Variants in LRRC70 observed in about 807,000 individuals in gnomAD.
The protein encoded by LRRC70 is leucine-rich repeat-containing protein 70.
Under a neutral mutation model 42.4 loss-of-function variants are expected in LRRC70, and 31 were observed. The observed-to-expected ratio is 0.73, with a 90% CI of 0.55 to 0.99. The LOEUF is 0.99. Among genes scored for constraint, LRRC70 ranks in the 50% least tolerant of loss-of-function variants. The pLI is 0.00. For synonymous variants in LRRC70, 270 were observed against 262.9 expected (o/e 1.03, Z -0.26); for missense variants, 643 against 707.5 (o/e 0.91, Z 1.03).
In LRRC70 at chr5:62,579,240, C is replaced by T. The variant is rs896987955; in HGVS notation, c.-38-161C>T. Among the ~76,000 whole-genome samples, 6 of 152,040 alleles carry T rather than the reference C, an allele frequency of 3.9e-5. No individual in the cohort carries two copies. In the South Asian group the frequency reaches 6.2e-4, roughly 16 times the overall value. ...CCTGATCATGTTAATAATTCTAGAA[C>T]GTATTCCATACTCATTATTTTTTGC... On this transcript the variant is annotated intron_variant, in intron 1 of 1. Transcript: ENST00000334994.
Position 62,579,856 on chromosome 5 carries a change from C to T in LRRC70, c.418C>T (p.Gln140Ter). The stretch of plus-strand genomic sequence containing the variant: ...TTTAAATCTTCGTAATTTATATTTA[C>T]AGTATAATCAGGTATCTTTTGTTCC... ...GLLNLRNLYL[Q>*]YNQVSFVPRG... Residue 140 changes from glutamine (Q) to a stop codon, truncating the protein, a stop_gained, in exon 2 of 2, where the codon CAG becomes TAG. Coordinates refer to ENST00000334994, the MANE Select transcript of LRRC70 (RefSeq NM_181506.5). LOFTEE classifies it high-confidence loss of function. The T allele has an allele frequency of 6.5e-7, 1 of 1,548,602 alleles. No homozygotes were observed. The highest frequency in any genetic ancestry group is 8.7e-7 in the Non-Finnish European group (1 of 1,144,608).
Position 62,581,372 on chromosome 5 carries a change from T to TA in LRRC70, c.*66dup. 1 of 1,123,370 alleles carries TA rather than the reference T, an allele frequency of 8.9e-7. No homozygotes were observed. Among genetic ancestry groups the TA allele is most frequent in the South Asian group, 1.8e-5 (1 of 55,448 alleles). 69.6% of individuals were successfully genotyped at this position (1,123,370 alleles called of 1,614,324 possible). ...GACATGATTTAAACTGAAACCTCCT[T>TA]ATATAATTATATACTTTAGTTGGAA... is the stretch of plus-strand genomic sequence containing the variant. On this transcript the variant is annotated 3_prime_UTR_variant, in exon 2 of 2. Coordinates refer to ENST00000334994, the MANE Select transcript of LRRC70 (RefSeq NM_181506.5).
Position 62,580,066 on chromosome 5 carries a change from T to C in LRRC70, c.628T>C (p.Tyr210His). 6.4e-7 allele frequency: 1 copy of C among 1,551,164 alleles called. No individual in the cohort carries two copies. Among genetic ancestry groups the C allele is most frequent in the Non-Finnish European group, 8.7e-7 (1 of 1,146,698 alleles). The change falls in exon 2 of 2, where the codon TAT becomes CAT. Residue 210 changes from tyrosine to histidine, a missense_variant. Physicochemically the swap from Tyr to His is moderately conservative, Grantham distance 83. Transcript: ENST00000334994. ...ACATCTTGAAAACCTTGCTTGTTTG[T>C]ATTTAGGAAGTAATAATTTAACAAA... ...FQHLENLACLYLGSNNLTKVP... is the reference protein window; with the variant it reads ...FQHLENLACLHLGSNNLTKVP...
In LRRC70 at chr5:62,580,199, T is replaced by C; in HGVS notation, c.761T>C (p.Leu254Pro). 6.4e-7 allele frequency: 1 copy of C among 1,551,188 alleles called. No homozygotes were observed. The highest frequency in any genetic ancestry group is 8.7e-7 in the Non-Finnish European group (1 of 1,146,678). Residue 254 changes from leucine to proline, a missense_variant, in exon 2 of 2, where the codon CTG becomes CCG. Leu to Pro is a moderately conservative substitution (Grantham distance 98). Transcript: ENST00000334994. ...QPFAFKGLANLEYLLLKNSRI... is the reference protein window; with the variant it reads ...QPFAFKGLANPEYLLLKNSRI... ...TTTGCATTTAAAGGACTTGCCAATC[T>C]GGAATACCTCCTCCTGAAAAATTCA...
chr5:62,580,960 TC>T lies in LRRC70; in HGVS notation c.1523del (p.Ser508Ter). The T allele has an allele frequency of 6.4e-7, 1 of 1,551,212 alleles. No homozygotes were observed. The highest frequency in any genetic ancestry group is 8.7e-7 in the Non-Finnish European group (1 of 1,146,778). The part of the protein sequence containing the change: ...KNSALPNDAA[S>X]MSGKTSLICT... ...CAGTGCTCTACCGAATGATGCTGCT[TC>T]AATGTCAGGGAAAACATCTCTAATT... On this transcript the variant is annotated frameshift_variant, in exon 2 of 2. Transcript: ENST00000334994. LOFTEE classifies it high-confidence loss of function.
At chr5:62,579,325 A>G (rs1744449289) in intron 1 of LRRC70, 76 bp from the exon 2 acceptor site, 16 of 910,922 alleles carry the variant, frequency 1.8e-5, no homozygotes, top group Non-Finnish European at 2.3e-5. Context: ...AATAGAATAC[A>G]GAAGTTATAG....
chr5:62,581,411 T>C lies in LRRC70; in HGVS notation c.*104T>C, dbSNP rs976693191. 6 of 888,110 alleles carry C rather than the reference T, an allele frequency of 6.8e-6. No individual in the cohort carries two copies. The highest frequency in any genetic ancestry group is 1.7e-5 in the African/African-American group (1 of 57,452). The allele number at this position is 888,110 out of a possible 1,614,324, so 55.0% of individuals were successfully genotyped here. On this transcript the variant is annotated 3_prime_UTR_variant, in exon 2 of 2. Transcript: ENST00000334994. ...CTTTAGTTGGAAATATAATGAATTATATGAGGTTAGCATTATTAAAATATG... is the reference window on the plus strand; with the variant it reads ...CTTTAGTTGGAAATATAATGAATTACATGAGGTTAGCATTATTAAAATATG...
Position 62,579,943 on chromosome 5 carries a change from A to G in LRRC70, c.505A>G (p.Thr169Ala). 1.3e-6 allele frequency: 2 copies of G among 1,551,298 alleles called. No homozygotes were observed. Among genetic ancestry groups the G allele is most frequent in the East Asian group, 2.4e-5 (1 of 40,884 alleles). ...QYLNLQRNRL[T>A]VLGSGTFVGM... Reference sequence around the variant, plus strand: ...CTTAAATCTACAAAGGAATCGCCTCACTGTCCTTGGGAGTGGTACCTTTGT... The same window carrying G: ...CTTAAATCTACAAAGGAATCGCCTCGCTGTCCTTGGGAGTGGTACCTTTGT... The change falls in exon 2 of 2, where the codon ACT becomes GCT. Residue 169 changes from threonine (T) to alanine (A), a missense_variant. By Grantham distance (58) the Thr-to-Ala change is moderately conservative. Coordinates refer to ENST00000334994, the MANE Select transcript of LRRC70 (RefSeq NM_181506.5).
Position 62,580,138 on chromosome 5 carries a change from T to C in LRRC70, c.700T>C (p.Ser234Pro), listed in dbSNP as rs1334934392. Residue 234 changes from serine (S) to proline (P), a missense_variant, in exon 2 of 2, where the codon TCT becomes CCT. Physicochemically the swap from Ser to Pro is moderately conservative, Grantham distance 74 (BLOSUM62 -1). Coordinates refer to ENST00000334994, the MANE Select transcript of LRRC70 (RefSeq NM_181506.5). ...FEVLKSLRRL[S>P]LSHNPIEAIQ... ...AGTACTTAAAAGTCTTAGAAGACTT[T>C]CTTTGTCTCATAATCCTATTGAAGC... 5 of 1,550,936 alleles carry C rather than the reference T, an allele frequency of 3.2e-6. No individual in the cohort carries two copies. The East Asian group carries it at 9.8e-5, about 30-fold the overall frequency.
In LRRC70 at chr5:62,580,534, A is replaced by C. The variant is rs1744509961; in HGVS notation, c.1096A>C (p.Lys366Gln). 8.4e-6 allele frequency: 13 copies of C among 1,551,472 alleles called. No homozygotes were observed. The highest frequency in any genetic ancestry group is 1.2e-5 in the South Asian group (1 of 84,056). The stretch of plus-strand genomic sequence containing the variant: ...TTCTAATCCTTGGGAATGTAACTGC[A>C]AACTTTTGGGCCTTCGAGACTGGCT... ...ANSNPWECNC[K>Q]LLGLRDWLAS... The change falls in exon 2 of 2, where the codon AAA becomes CAA. Residue 366 changes from lysine (K) to glutamine (Q), a missense_variant. Coordinates refer to ENST00000334994, the MANE Select transcript of LRRC70 (RefSeq NM_181506.5).
Position 62,580,621 on chromosome 5 carries a change from G to A in LRRC70, c.1183G>A (p.Ala395Thr). The change falls in exon 2 of 2, where the codon GCA (alanine) becomes ACA (threonine). Residue 395 changes from alanine (A) to threonine (T), a missense_variant. Transcript: ENST00000334994. Reference sequence around the variant, plus strand: ...GAATCCCCCATCCATGCGTGGCAGAGCATTACGTTATATTAACATTACAAA... The same window carrying A: ...GAATCCCCCATCCATGCGTGGCAGAACATTACGTTATATTAACATTACAAA... ...CQNPPSMRGR[A>T]LRYINITNCV... The A allele has an allele frequency of 6.4e-7, 1 of 1,551,416 alleles. No individual in the cohort carries two copies. The highest frequency in any genetic ancestry group is 8.7e-7 in the Non-Finnish European group (1 of 1,146,812).
rs1580348541 is a variant in LRRC70 at position 62,580,731 on chromosome 5, G to A, written c.1293G>A (p.Met431Ile). The stretch of plus-strand genomic sequence containing the variant: ...TTCATCACAAGACTACTGCGCTAAT[G>A]ATGGCCTGGCATAAAGTAACCACAA... ...PHIHHKTTAL[M>I]MAWHKVTTNG... The change falls in exon 2 of 2, where the codon ATG becomes ATA. Residue 431 changes from methionine (M) to isoleucine (I), a missense_variant. Coordinates refer to ENST00000334994, the MANE Select transcript of LRRC70 (RefSeq NM_181506.5). 6.4e-7 allele frequency: 1 copy of A among 1,551,416 alleles called. No individual in the cohort carries two copies. Among genetic ancestry groups the A allele is most frequent in the Non-Finnish European group, 8.7e-7 (1 of 1,146,842 alleles).
chr5:62,579,119 C>A (rs1744440543), intron 1 of LRRC70, among the ~76,000 whole-genome samples, 184 bp downstream of exon 1: 1 of 152,012 alleles, frequency 6.6e-6, no homozygotes, highest in African/African-American at 2.4e-5. Context: ...ATTCCTACAT[C>A]ATTTGTCACC....
chr5:62,579,305 T>C (rs1744448751), intron 1 of LRRC70, 96 bp from the exon 2 acceptor site: 3 of 799,852 alleles, frequency 3.8e-6, no homozygotes, highest in Non-Finnish European at 6.3e-6. Context: ...TATTGGCTGA[T>C]CCTAATTAAA....
chr5:62,579,219 A>T (rs905972110), intron 1 of LRRC70, among the ~76,000 whole-genome samples, 182 bp from the exon 2 acceptor site: 1 of 152,070 alleles, frequency 6.6e-6, no homozygotes, highest in African/African-American at 2.4e-5. Context: ...TAATGGCCTG[A>T]TCATGTTAAT....
At position 62,580,116 on chromosome 5, in the gene LRRC70, A is replaced by G. The variant is rs781725917; in HGVS notation, c.678A>G (p.Val226=). 4.8e-4 allele frequency: 741 copies of G among 1,550,892 alleles called. 4 individuals carry two copies. The highest frequency in any genetic ancestry group is 3.7e-4 in the Admixed American group (19 of 50,948). Residue 226 remains valine (V), a synonymous_variant, in exon 2 of 2, where the codon GTA becomes GTG. Coordinates refer to ENST00000334994, the MANE Select transcript of LRRC70 (RefSeq NM_181506.5). ...AAGTACCATCAAATGCCTTTGAAGT[A>G]CTTAAAAGTCTTAGAAGACTTTCTT... is the stretch of plus-strand genomic sequence containing the variant. ...LTKVPSNAFE[V]LKSLRRLSLS... is the part of the protein sequence containing the mutation.
rs776363540 is a variant in LRRC70, at chr5:62,579,578, G to A, written c.140G>A (p.Arg47His). Residue 47 changes from arginine to histidine, a missense_variant, in exon 2 of 2, where the codon CGT becomes CAT. By Grantham distance (29) the Arg-to-His change is conservative. Coordinates refer to ENST00000334994, the MANE Select transcript of LRRC70 (RefSeq NM_181506.5). Reference protein sequence around the residue: ...QLCTGRQINCRNLGLSSIPKN... With the variant: ...QLCTGRQINCHNLGLSSIPKN... ...TGCACTGGGAGACAAATTAACTGCC[G>A]TAACTTAGGCCTTTCGAGTATTCCT... 10 of 1,551,130 alleles carry A rather than the reference G, an allele frequency of 6.4e-6. No homozygotes were observed. Among genetic ancestry groups the A allele is most frequent in the Non-Finnish European group, 7.8e-6 (9 of 1,146,610 alleles).
rs1744477983 is a variant in LRRC70, at chr5:62,579,880, C to T, written c.442C>T (p.Pro148Ser). ...ACAGTATAATCAGGTATCTTTTGTT[C>T]CGAGAGGAGTATTTAATGATCTAGT... ...YLQYNQVSFV[P>S]RGVFNDLVSV... The change falls in exon 2 of 2, where the codon CCG (proline) becomes TCG (serine). Residue 148 changes from proline to serine, a missense_variant. Coordinates refer to ENST00000334994, the MANE Select transcript of LRRC70 (RefSeq NM_181506.5). 1 of 1,550,248 alleles carries T rather than the reference C, an allele frequency of 6.5e-7. No individual in the cohort carries two copies. Among genetic ancestry groups the T allele is most frequent in the Non-Finnish European group, 8.7e-7 (1 of 1,146,024 alleles).
chr5:62,580,988 G>A lies in LRRC70; in HGVS notation c.1550G>A (p.Cys517Tyr), dbSNP rs978878827. ...ATGTCAGGGAAAACATCTCTAATTT[G>A]TACACAAGAAGTTGAGAAGTTGAAT... Reference protein sequence around the residue: ...ASMSGKTSLICTQEVEKLNEA... With the variant: ...ASMSGKTSLIYTQEVEKLNEA... Residue 517 changes from cysteine (C) to tyrosine (Y), a missense_variant, in exon 2 of 2, where the codon TGT (cysteine) becomes TAT (tyrosine). Transcript: ENST00000334994. 1.0e-5 allele frequency: 16 copies of A among 1,551,052 alleles called. No individual in the cohort carries two copies. Among genetic ancestry groups the A allele is most frequent in the African/African-American group, 9.6e-5 (7 of 72,992 alleles).
Sources: gnomAD v4.1 joint callset for allele counts (sites outside exome capture counted in the v4.1 genomes callset) on GRCh38, gnomAD v4.1.1 for gene constraint, MANE v1.5 for transcripts, NCBI Gene and HGNC (gene_info 2026-07-23, HGNC 2026-07-21) for gene names.